Variants in SCARF1 observed in about 807,000 individuals in gnomAD.
The protein encoded by SCARF1 is acetyl LDL receptor.
A neutral mutation model predicts 76.3 loss-of-function variants in SCARF1; 49 were observed. The ratio of observed to expected loss-of-function variants is 0.64; its 90% CI spans 0.51 to 0.81. The LOEUF is 0.81. Among genes scored for constraint, SCARF1 ranks in the 40% least tolerant of loss-of-function variants. The pLI, the probability that SCARF1 is intolerant of heterozygous loss-of-function variation, is 0.00. For missense variants in SCARF1, 1,098 were observed against 1,143.9 expected (o/e 0.96, Z 0.58); for synonymous variants, 495 against 474.6 (o/e 1.04, Z -0.56).
Position 1,644,034 on chromosome 17 carries a change from C to T in SCARF1, c.266-67G>A, listed in dbSNP as rs1598523585. 2.5e-6 allele frequency: 3 copies of T among 1,209,052 alleles called. No homozygotes were observed. Among genetic ancestry groups the T allele is most frequent in the Non-Finnish European group, 3.1e-6 (3 of 957,092 alleles). 74.9% of individuals were successfully genotyped at this position (1,209,052 alleles called of 1,614,324 possible). On this transcript the variant is annotated intron_variant, in intron 3 of 10. Transcript: ENST00000263071. The surrounding 1 kb of genome is among the most constrained non-coding windows in gnomAD (Gnocchi z 4.8). ...GCGCGCAGACCCTTACCCTGCGTCC[C>T]CTTCCTCAAGGAAAAGGGGCGCTGG...
Position 1,638,751 on chromosome 17 carries a change from C to T in SCARF1, c.1364+55G>A, listed in dbSNP as rs1042777771. The T allele has an allele frequency of 2.0e-6, 3 of 1,465,176 alleles. No homozygotes were observed. In the African/African-American group the frequency reaches 4.3e-5, roughly 21 times the overall value. 90.8% of individuals were successfully genotyped at this position (1,465,176 alleles called of 1,614,324 possible). Reference sequence around the variant, plus strand: ...ACCCCACAAGGAAACCAGATGCCCCCCTGCTCCCACCCTGTGGCCTGAGCT... The same window carrying T: ...ACCCCACAAGGAAACCAGATGCCCCTCTGCTCCCACCCTGTGGCCTGAGCT... On this transcript the variant is annotated intron_variant, in intron 8 of 10. Coordinates refer to ENST00000263071, the MANE Select transcript of SCARF1 (RefSeq NM_003693.4).
At chr17:1,637,327 CCTATCTAT>C (rs72522019) in intron 8 of SCARF1, among the ~76,000 whole-genome samples, 29,966 of 111,044 alleles carry the variant, frequency 0.27, 3,723 homozygotes, top group Non-Finnish European at 0.35. Flanking sequence ...TAAAACAGAT[CCTATCTAT>C]CTATCTATCT....
Position 1,638,830 on chromosome 17 carries a change from G to A in SCARF1, c.1340C>T (p.Ala447Val). The A allele has an allele frequency of 1.2e-6, 2 of 1,610,284 alleles. No individual in the cohort carries two copies. The highest frequency in any genetic ancestry group is 8.5e-7 in the Non-Finnish European group (1 of 1,178,062). ...CCTGTCCTTGAGGTCTGATCGGGGG[G>A]CCCAGCAGCAGCAGGCACAGCAGGC... ...GLACCACCCWAPRSDLKDRPA... is the reference protein window; with the variant it reads ...GLACCACCCWVPRSDLKDRPA... Residue 447 changes from alanine to valine, a missense_variant, in exon 8 of 11, where the codon GCC (alanine) becomes GTC (valine). Coordinates refer to ENST00000263071, the MANE Select transcript of SCARF1 (RefSeq NM_003693.4).
Position 1,643,727 on chromosome 17 carries a change from G to T in SCARF1, c.506C>A (p.Ala169Glu). The change falls in exon 4 of 11, where the codon GCG (alanine) becomes GAG (glutamate). Residue 169 changes from alanine to glutamate, a missense_variant. By Grantham distance (107) the Ala-to-Glu change is moderately radical. Coordinates refer to ENST00000263071, the MANE Select transcript of SCARF1 (RefSeq NM_003693.4). Reference protein sequence around the residue: ...CRRPCQCNTAAARCEQATGAC... With the variant: ...CRRPCQCNTAEARCEQATGAC... ...GCCCGTGGCCTGCTCGCAGCGCGCC[G>T]CCGCGGTGTTGCACTGGCACGGGCG... 7.5e-7 allele frequency: 1 copy of T among 1,329,692 alleles called. No individual in the cohort carries two copies. The highest frequency in any genetic ancestry group is 9.5e-7 in the Non-Finnish European group (1 of 1,047,258). The allele number at this position is 1,329,692 out of a possible 1,614,324, so 82.4% of individuals were successfully genotyped here. A position where few individuals can be genotyped will look rare whatever the true frequency, so the allele number is the denominator to read the frequency against.
Position 1,644,918 on chromosome 17 carries a change from C to T in SCARF1, c.181G>A (p.Asp61Asn). The change falls in exon 3 of 11, where the codon GAC becomes AAC. Residue 61 changes from aspartate (D) to asparagine (N), a missense_variant. Coordinates refer to ENST00000263071, the MANE Select transcript of SCARF1 (RefSeq NM_003693.4). This position sits in a 1 kb window ranked among gnomAD's most constrained non-coding sequence, Gnocchi z 4.8. ...ECTIPICEGP[D>N]ACQKDEVCVK... Reference sequence around the variant, plus strand: ...CACACCTCGTCTTTCTGGCAGGCGTCCGGCCCCTCACAGATGGCTGAAAGA... The same window carrying T: ...CACACCTCGTCTTTCTGGCAGGCGTTCGGCCCCTCACAGATGGCTGAAAGA... 1 of 1,613,254 alleles carries T rather than the reference C, an allele frequency of 6.2e-7. No individual in the cohort carries two copies. The highest frequency in any genetic ancestry group is 8.5e-7 in the Non-Finnish European group (1 of 1,179,898).
intron 8 of SCARF1, among the ~76,000 whole-genome samples, chr17:1,637,906 G>A (rs562159570): frequency 4.6e-5 from 7 of 152,308 alleles, no homozygotes; most frequent in African/African-American, 7.2e-5. Flanking sequence ...GTGTCCCTGC[G>A]AGGGGCTTCT....
chr17:1,635,462 T>C lies in SCARF1; in HGVS notation c.1789A>G (p.Lys597Glu), dbSNP rs758412678. Residue 597 changes from lysine (K) to glutamate (E), a missense_variant, in exon 11 of 11, where the codon AAG (lysine) becomes GAG (glutamate). Transcript: ENST00000263071. ...CTTCGGCGACTCTGTGGTGCAAACT[T>C]GGTACCTTCCGCGAAGGAGACCGAT... is the stretch of plus-strand genomic sequence containing the variant. ...RPSVSFAEGT[K>E]FAPQSRRSSG... 4.5e-5 allele frequency: 73 copies of C among 1,613,932 alleles called. 1 individual carries two copies. The Admixed American group carries it at 1.2e-3, about 27-fold the overall frequency.
chr17:1,644,609 C>T lies in SCARF1; in HGVS notation c.265+225G>A. ...CTGAGAAGTGGAAGAGGAAGATGCTCAGGTGGGCAGTGCTTTGTGGATGTG... is the reference window on the plus strand; with the variant it reads ...CTGAGAAGTGGAAGAGGAAGATGCTTAGGTGGGCAGTGCTTTGTGGATGTG... On this transcript the variant is annotated intron_variant, in intron 3 of 10. Coordinates refer to ENST00000263071, the MANE Select transcript of SCARF1 (RefSeq NM_003693.4). The surrounding 1 kb of genome is among the most constrained non-coding windows in gnomAD (Gnocchi z 4.8). 1.7e-6 allele frequency: 1 copy of T among 595,218 alleles called. No individual in the cohort carries two copies. Among genetic ancestry groups the T allele is most frequent in the Non-Finnish European group, 3.0e-6 (1 of 333,458 alleles). 36.9% of individuals were successfully genotyped at this position (595,218 alleles called of 1,614,324 possible).
rs1909896718 is a variant in SCARF1, at chr17:1,639,946, C to A, written c.1105G>T (p.Asp369Tyr). The change falls in exon 6 of 11, where the codon GAC becomes TAC. Residue 369 changes from aspartate (D) to tyrosine (Y), a missense_variant. By Grantham distance (160) the Asp-to-Tyr change is radical. Transcript: ENST00000263071. Reference sequence around the variant, plus strand: ...CAGTAGCCGGCACTGCAGACACAGTCCCCTGTCACAGTATCACAGGACCCC... The same window carrying A: ...CAGTAGCCGGCACTGCAGACACAGTACCCTGTCACAGTATCACAGGACCCC... ...VQGSCDTVTGDCVCSAGYWGP... is the reference protein window; with the variant it reads ...VQGSCDTVTGYCVCSAGYWGP... 6.2e-7 allele frequency: 1 copy of A among 1,613,918 alleles called. No homozygotes were observed. The highest frequency in any genetic ancestry group is 1.1e-5 in the South Asian group (1 of 91,086).
At chr17:1,636,210 A>G (rs960749880) in intron 10 of SCARF1, among the ~76,000 whole-genome samples, 23 of 152,318 alleles carry the variant, frequency 1.5e-4, no homozygotes, top group Middle Eastern at 3.4e-3. Flanking sequence ...ATGGAAACAC[A>G]TATCACTGTG....
intron 4 of SCARF1, 63 bp downstream of exon 4, chr17:1,643,379 C>T: frequency 2.3e-6 from 2 of 865,588 alleles, no homozygotes; most frequent in Non-Finnish European, 2.9e-6. Flanking sequence ...CGCCCCGCCC[C>T]GCCTGCTCAC....
chr17:1,643,585 A>G lies in SCARF1; in HGVS notation c.648T>C (p.Gly216=), dbSNP rs1910273810. Residue 216 remains glycine (G), a synonymous_variant, in exon 4 of 11, where the codon GGT becomes GGC. Coordinates refer to ENST00000263071, the MANE Select transcript of SCARF1 (RefSeq NM_003693.4). ...GRCACRPGWW[G]PECQQQCECV... is the part of the protein sequence containing the mutation. ...ACTCGCACTGCTGCTGGCATTCGGG[A>G]CCCCACCAGCCCGGCCGGCAGGCGC... 6.8e-7 allele frequency: 1 copy of G among 1,473,032 alleles called. No individual in the cohort carries two copies. Among genetic ancestry groups the G allele is most frequent in the Non-Finnish European group, 8.9e-7 (1 of 1,119,742 alleles). The allele number at this position is 1,473,032 out of a possible 1,614,324, so 91.2% of individuals were successfully genotyped here.
At chr17:1,636,611 CA>C (rs371034390) in intron 10 of SCARF1, 97 bp downstream of exon 10, 723 of 1,337,910 alleles carry the variant, frequency 5.4e-4, no homozygotes, top group South Asian at 6.9e-4. Context: ...GACCCAGTCT[CA>C]AAAAAAAATA....
At chr17:1,636,879 C>A (rs763605342) in intron 9 of SCARF1, 24 bp from the exon 10 acceptor site, 3 of 1,613,566 alleles carry the variant, frequency 1.9e-6, no homozygotes, top group Non-Finnish European at 2.5e-6. Context: ...AGATCAGGCG[C>A]CTGCAGGACC....
At chr17:1,639,880 C>T in intron 6 of SCARF1, 32 bp downstream of exon 6, 2 of 1,611,518 alleles carry the variant, frequency 1.2e-6, no homozygotes, top group South Asian at 1.1e-5. Context: ...AGGCCCCTGG[C>T]ACTCTCCCGC....
At chr17:1,639,224 G>A (rs1264731152) in intron 7 of SCARF1, among the ~76,000 whole-genome samples, 2 of 152,192 alleles carry the variant, frequency 1.3e-5, no homozygotes, top group Non-Finnish European at 2.9e-5. Flanking sequence ...AATGTCTCTG[G>A]GCCGGGCACA....
At position 1,639,948 on chromosome 17, in the gene SCARF1, CCT is replaced by C; in HGVS notation, c.1101_1102del (p.Asp369LeufsTer30). The stretch of plus-strand genomic sequence containing the variant: ...GTAGCCGGCACTGCAGACACAGTCC[CCT>C]GTCACAGTATCACAGGACCCCTGAA... On this transcript the variant is annotated frameshift_variant, in exon 6 of 11. Coordinates refer to ENST00000263071, the MANE Select transcript of SCARF1 (RefSeq NM_003693.4). LOFTEE classifies it high-confidence loss of function. 6.2e-7 allele frequency: 1 copy of C among 1,614,058 alleles called. No individual in the cohort carries two copies. The highest frequency in any genetic ancestry group is 1.1e-5 in the South Asian group (1 of 91,088).
rs143911603 is a variant in SCARF1 at position 1,642,639 on chromosome 17, A to G, written c.791+803T>C. The stretch of plus-strand genomic sequence containing the variant: ...TATGGCTTGCTAGCAGTGCTAGTAT[A>G]TTTTGCACAGCAGTAATCAATGAAA... On this transcript the variant is annotated intron_variant, in intron 4 of 10. Coordinates refer to ENST00000263071, the MANE Select transcript of SCARF1 (RefSeq NM_003693.4). Among the ~76,000 whole-genome samples the G allele has an allele frequency of 9.2e-5, 14 of 152,190 alleles. No homozygotes were observed. The East Asian group carries it at 2.5e-3, about 27-fold the overall frequency.
In SCARF1 at chr17:1,645,389, C is replaced by A; in HGVS notation, c.102-150G>T. ...TCTTTACAGCTAGGGTCCCCAGCCCCTCCCCTCTCCTTCCCTGACCCTTCC... is the reference window on the plus strand; with the variant it reads ...TCTTTACAGCTAGGGTCCCCAGCCCATCCCCTCTCCTTCCCTGACCCTTCC... On this transcript the variant is annotated intron_variant, in intron 1 of 10. Coordinates refer to ENST00000263071, the MANE Select transcript of SCARF1 (RefSeq NM_003693.4). The surrounding 1 kb of genome is among the most constrained non-coding windows in gnomAD (Gnocchi z 6.3). The A allele has an allele frequency of 7.3e-7, 1 of 1,361,472 alleles. No homozygotes were observed. Among genetic ancestry groups the A allele is most frequent in the Non-Finnish European group, 1.0e-6 (1 of 998,400 alleles). 84.3% of individuals were successfully genotyped at this position (1,361,472 alleles called of 1,614,324 possible). A position where few individuals can be genotyped will look rare whatever the true frequency, so the allele number is the denominator to read the frequency against.
Sources: allele counts gnomAD v4.1 joint callset (sites outside exome capture counted in the v4.1 genomes callset), GRCh38; gene constraint gnomAD v4.1.1; non-coding constraint Gnocchi (gnomAD v3.1); transcripts MANE v1.5; gene names NCBI Gene and HGNC (gene_info 2026-07-23, HGNC 2026-07-21).